The following SGPP2 variants were observed in gnomAD, a reference collection of about 807,000 sequenced individuals.
SGPP2 encodes sphingosine 1-phosphate phosphohydrolase 2.
A neutral mutation model predicts 33.9 loss-of-function variants in SGPP2; 30 were observed. That is an observed-to-expected ratio of 0.89 (90% CI 0.66 to 1.20). The LOEUF (loss-of-function observed/expected upper bound fraction) is 1.20, where lower values mean the gene tolerates loss of function less well. Ranked by LOEUF, SGPP2 falls within the 50% of genes most tolerant of loss-of-function variation. The probability of loss-of-function intolerance (pLI) is 0.00; values close to 1 mark genes in which losing one functional copy is unlikely to be tolerated. For synonymous variants in SGPP2, 233 were observed against 225.0 expected, an observed-to-expected ratio of 1.04 and a Z score of -0.32; for missense variants, 458 against 532.1, an observed-to-expected ratio of 0.86 and a Z score of 1.37.
chr2:222,456,237 TAAAAG>T (rs1251012381), intron 1 of SGPP2, among the ~76,000 whole-genome samples: 1 of 152,154 alleles, frequency 6.6e-6, no homozygotes, highest in Non-Finnish European at 1.5e-5. Context: ...CTGGAGTAAA[TAAAAG>T]AAAACTTGGC....
chr2:222,431,213 G>A (rs1697149042), intron 1 of SGPP2, among the ~76,000 whole-genome samples: 1 of 151,344 alleles, frequency 6.6e-6, no homozygotes, highest in Non-Finnish European at 1.5e-5. Context: ...GTCTATTTAG[G>A]CCAGGCATGG....
At chr2:222,492,659 C>A (rs1012883054) in intron 2 of SGPP2, among the ~76,000 whole-genome samples, 9 of 152,224 alleles carry the variant, frequency 5.9e-5, no homozygotes, top group Non-Finnish European at 1.5e-5. Flanking sequence ...TAGAATTTGG[C>A]TCCTTGTTAC....
chr2:222,464,081 A>G (rs1458717727), intron 1 of SGPP2, among the ~76,000 whole-genome samples: 2 of 152,252 alleles, frequency 1.3e-5, no homozygotes, highest in Non-Finnish European at 2.9e-5. Flanking sequence ...ATAAGTTAAT[A>G]TAAATGAATC....
chr2:222,536,594 C>T (rs930813331), intron 4 of SGPP2, among the ~76,000 whole-genome samples: 19 of 152,136 alleles, frequency 1.2e-4, no homozygotes, highest in African/African-American at 4.1e-4. Context: ...GCATGAGAAT[C>T]GCTTGAACCC....
intron 1 of SGPP2, among the ~76,000 whole-genome samples, chr2:222,472,519 T>C (rs577411705): frequency 2.4e-4 from 36 of 152,174 alleles, no homozygotes; most frequent in Admixed American, 2.2e-3. Flanking sequence ...TATATGATGA[T>C]GATGATGATA....
At chr2:222,447,960 G>A (rs1697421576) in intron 1 of SGPP2, among the ~76,000 whole-genome samples, 3 of 152,208 alleles carry the variant, frequency 2.0e-5, no homozygotes, top group African/African-American at 7.2e-5. Context: ...GAGCAAGAGA[G>A]GTGTATCTCC....
At chr2:222,452,742 G>C in intron 1 of SGPP2, 1 of 1,422,272 alleles carries the variant, frequency 7.0e-7, no homozygotes, top group Non-Finnish European at 9.9e-7. Context: ...GTTTCCAGTC[G>C]TGTTCACCAG....
rs150069354 is a variant in SGPP2 at position 222,506,913 on chromosome 2, G to A, written c.379-14854G>A. 4.5e-4 allele frequency among the ~76,000 whole-genome samples: 69 copies of A among 152,072 alleles called. No individual in the cohort carries two copies. The East Asian group carries it at 0.013, about 29-fold the overall frequency. On this transcript the variant is annotated intron_variant, in intron 2 of 4. Coordinates refer to ENST00000321276, the MANE Select transcript of SGPP2 (RefSeq NM_152386.4). The stretch of plus-strand genomic sequence containing the variant: ...TATTAAAAAAAAGAAATAATCACAT[G>A]GGTGGACCATGAGTGTGGCAGAATC...
intron 2 of SGPP2, among the ~76,000 whole-genome samples, chr2:222,505,072 A>G (rs1212643653): frequency 2.0e-5 from 3 of 152,218 alleles, no homozygotes; most frequent in South Asian, 2.1e-4. Flanking sequence ...AATTTATACA[A>G]AAGTTTATCT....
At chr2:222,436,322 G>A (rs1398610888) in intron 1 of SGPP2, among the ~76,000 whole-genome samples, 1 of 152,136 alleles carries the variant, frequency 6.6e-6, no homozygotes, top group Non-Finnish European at 1.5e-5. Flanking sequence ...AATCCCTAGG[G>A]GTGATGGTGA....
intron 4 of SGPP2, among the ~76,000 whole-genome samples, chr2:222,545,663 C>T (rs1689177772): frequency 6.6e-6 from 1 of 152,122 alleles, no homozygotes; most frequent in Admixed American, 6.5e-5. Context: ...CAAGATTTCT[C>T]TTAATCATTG....
At chr2:222,542,130 C>T (rs536877335) in intron 4 of SGPP2, among the ~76,000 whole-genome samples, 3 of 152,250 alleles carry the variant, frequency 2.0e-5, no homozygotes, top group Admixed American at 2.0e-4. Flanking sequence ...TCTCTGACAC[C>T]ATAGATTAGT....
chr2:222,503,172 A>G (rs1039090850), intron 2 of SGPP2, among the ~76,000 whole-genome samples: 3 of 152,234 alleles, frequency 2.0e-5, no homozygotes, highest in African/African-American at 7.2e-5. Context: ...TATGTAGCCC[A>G]TTCAGGAAAA....
intron 2 of SGPP2, among the ~76,000 whole-genome samples, chr2:222,517,633 G>A (rs1052525998): frequency 3.3e-5 from 5 of 152,232 alleles, no homozygotes; most frequent in African/African-American, 1.2e-4. Context: ...GTCTGTGATG[G>A]CAGAGCTAAA....
intron 4 of SGPP2, among the ~76,000 whole-genome samples, chr2:222,530,876 A>T (rs1025558755): frequency 3.3e-5 from 5 of 152,140 alleles, no homozygotes; most frequent in Non-Finnish European, 7.3e-5. Flanking sequence ...TTTGATTTTA[A>T]GTAAGAGATG....
intron 1 of SGPP2, among the ~76,000 whole-genome samples, chr2:222,468,589 G>T (rs999692827): frequency 6.6e-6 from 1 of 152,138 alleles, no homozygotes; most frequent in Non-Finnish European, 1.5e-5. Flanking sequence ...CTGGGCATTC[G>T]CTCCTCTGCT....
At chr2:222,430,705 A>T (rs1450149463) in intron 1 of SGPP2, among the ~76,000 whole-genome samples, 1 of 152,350 alleles carries the variant, frequency 6.6e-6, no homozygotes, top group Non-Finnish European at 1.5e-5. Context: ...AAGTAATTTT[A>T]CAGTGTAGAA....
intron 4 of SGPP2, among the ~76,000 whole-genome samples, chr2:222,556,363 G>A (rs908596516): frequency 2.6e-5 from 4 of 151,906 alleles, no homozygotes; most frequent in Non-Finnish European, 4.4e-5. Flanking sequence ...ACTGAAGTGC[G>A]TACTGGTAAA....
At chr2:222,486,386 C>T (rs143563416) in intron 2 of SGPP2, among the ~76,000 whole-genome samples, 155 of 152,198 alleles carry the variant, frequency 1.0e-3, no homozygotes, top group African/African-American at 3.4e-3. Context: ...ATTATTATTC[C>T]GTCCTCTGTG....
Sources: gnomAD v4.1 joint callset for allele counts (sites outside exome capture counted in the v4.1 genomes callset) on GRCh38, gnomAD v4.1.1 for gene constraint, MANE v1.5 for transcripts, NCBI Gene and HGNC (gene_info 2026-07-23, HGNC 2026-07-21) for gene names.